ERC2: variants seen among roughly 807,000 people sequenced by gnomAD.
ERC2 encodes ELKS/RAB6-interacting/CAST family member 2.
Under a neutral mutation model 114.8 loss-of-function variants are expected in ERC2, and 42 were observed. That is an observed-to-expected ratio of 0.37 (90% CI 0.29 to 0.47). The LOEUF (loss-of-function observed/expected upper bound fraction) is 0.47. Among genes scored for constraint, ERC2 ranks in the 20% least tolerant of loss-of-function variants. The pLI is 0.99. For missense variants in ERC2, 939 were observed against 1,150.7 expected (o/e 0.82, Z 2.66); for synonymous variants, 454 against 425.5 (o/e 1.07, Z -0.82).
At chr3:55,833,292 C>G (rs2060704404) in intron 14 of ERC2, among the ~76,000 whole-genome samples, 1 of 150,458 alleles carries the variant, frequency 6.6e-6, no homozygotes, top group Non-Finnish European at 1.5e-5. Flanking sequence ...AGAGCAACTC[C>G]AAGACACATA....
At chr3:55,956,678 T>C (rs1362753227) in intron 12 of ERC2, among the ~76,000 whole-genome samples, 2 of 152,122 alleles carry the variant, frequency 1.3e-5, no homozygotes, top group African/African-American at 4.8e-5. Flanking sequence ...AAGACTTAGC[T>C]CCAGGATAAG....
intron 14 of ERC2, among the ~76,000 whole-genome samples, chr3:55,786,874 T>C (rs1329020723): frequency 6.6e-6 from 1 of 152,118 alleles, no homozygotes; most frequent in Non-Finnish European, 1.5e-5. Flanking sequence ...TCCCCTGGCC[T>C]GTGTTCAAAA....
chr3:56,309,637 C>G (rs1016201826), intron 2 of ERC2, among the ~76,000 whole-genome samples: 1 of 152,168 alleles, frequency 6.6e-6, no homozygotes, highest in African/African-American at 2.4e-5. Flanking sequence ...TACTTAAGTA[C>G]TCTGAGCATC....
At chr3:55,857,726 G>A (rs1210937407) in intron 14 of ERC2, among the ~76,000 whole-genome samples, 2 of 152,216 alleles carry the variant, frequency 1.3e-5, no homozygotes, top group Admixed American at 6.5e-5. Context: ...CTTGGAGAGA[G>A]AGAAAGCTGG....
intron 16 of ERC2, among the ~76,000 whole-genome samples, chr3:55,692,404 A>C (rs2062713029): frequency 6.6e-6 from 1 of 152,222 alleles, no homozygotes; most frequent in African/African-American, 2.4e-5. Flanking sequence ...AACTAGGGCC[A>C]GGAAACACAT....
intron 3 of ERC2, among the ~76,000 whole-genome samples, chr3:56,278,736 G>A (rs1278640862): frequency 2.6e-5 from 4 of 152,310 alleles, no homozygotes; most frequent in East Asian, 3.9e-4. Context: ...CACTCCTGGT[G>A]GAAGAGGAAG....
At chr3:55,991,203 C>T (rs1278792383) in intron 11 of ERC2, among the ~76,000 whole-genome samples, 2 of 152,174 alleles carry the variant, frequency 1.3e-5, no homozygotes, top group Non-Finnish European at 2.9e-5. Context: ...ACAAGTGTCT[C>T]GATCAAAGCT....
chr3:56,185,006 T>C (rs1023096002), intron 3 of ERC2: 1 of 152,170 alleles, frequency 6.6e-6, no homozygotes, highest in African/African-American at 2.4e-5. Flanking sequence ...TTTGGGGACA[T>C]AAAGAACAAA....
intron 2 of ERC2, among the ~76,000 whole-genome samples, chr3:56,418,155 G>A (rs1020848171): frequency 1.3e-5 from 2 of 151,974 alleles, no homozygotes; most frequent in Non-Finnish European, 2.9e-5. Flanking sequence ...AATATTAGGT[G>A]AGCATGTTGG....
chr3:55,936,315 GTATT>G (rs1298556991), intron 13 of ERC2, among the ~76,000 whole-genome samples: 21 of 151,976 alleles, frequency 1.4e-4, no homozygotes, highest in African/African-American at 4.6e-4. Context: ...TAGTCAAAAA[GTATT>G]TATTGAATGT....
intron 14 of ERC2, among the ~76,000 whole-genome samples, chr3:55,871,245 T>C (rs1235065384): frequency 6.6e-6 from 1 of 152,180 alleles, no homozygotes; most frequent in East Asian, 1.9e-4. Flanking sequence ...TCCTCAGTTA[T>C]TGCTCAATAA....
At chr3:56,272,344 G>A (rs1327004401) in intron 3 of ERC2, among the ~76,000 whole-genome samples, 6 of 152,214 alleles carry the variant, frequency 3.9e-5, no homozygotes, top group Non-Finnish European at 8.8e-5. Context: ...CTATCTAGAA[G>A]AGTCCCATTA....
At chr3:55,833,774 G>A (rs2060731018) in intron 14 of ERC2, among the ~76,000 whole-genome samples, 1 of 152,124 alleles carries the variant, frequency 6.6e-6, no homozygotes, top group Non-Finnish European at 1.5e-5. Context: ...AACTTTAAAT[G>A]TAAATGGACA....
intron 14 of ERC2, among the ~76,000 whole-genome samples, chr3:55,817,758 G>A (rs1028041367): frequency 2.6e-4 from 40 of 152,268 alleles, no homozygotes; most frequent in African/African-American, 9.4e-4. Context: ...TATAGTATCC[G>A]TTCATGGTGA....
intron 2 of ERC2, among the ~76,000 whole-genome samples, chr3:56,374,487 G>GC (rs2059467095): frequency 6.6e-6 from 1 of 152,118 alleles, no homozygotes; most frequent in African/African-American, 2.4e-5. Context: ...CTTACTCTAT[G>GC]CCAGGCTATG....
At chr3:55,968,908 AT>A (rs1350007659) in intron 12 of ERC2, among the ~76,000 whole-genome samples, 1 of 152,152 alleles carries the variant, frequency 6.6e-6, no homozygotes, top group Non-Finnish European at 1.5e-5. Context: ...TTTCTAACTC[AT>A]AAAAAACATG....
chr3:56,247,291 A>G (rs1560454499), intron 3 of ERC2, among the ~76,000 whole-genome samples: 1 of 152,032 alleles, frequency 6.6e-6, no homozygotes, highest in East Asian at 1.9e-4. Flanking sequence ...CTTAGAAACA[A>G]CTTTTTAAAA....
At position 56,392,052 on chromosome 3, in the gene ERC2, T is replaced by C. The variant is rs549063972; in HGVS notation, c.657+42299A>G. ...TTCAAGTAAACATATTAGAATCCTG[T>C]AGTGTAAATAATAGCAAAGATGCTA... On this transcript the variant is annotated intron_variant, in intron 2 of 17. Transcript: ENST00000288221. 2.6e-5 allele frequency among the ~76,000 whole-genome samples: 4 copies of C among 152,306 alleles called. No homozygotes were observed. The South Asian group carries it at 6.2e-4, about 24-fold the overall frequency.
At chr3:55,590,231 A>C (rs1011158645) in intron 17 of ERC2, among the ~76,000 whole-genome samples, 6 of 152,186 alleles carry the variant, frequency 3.9e-5, no homozygotes, top group Non-Finnish European at 8.8e-5. Context: ...ATTGGGAAAA[A>C]CATAAAGACT....
Sources: allele counts gnomAD v4.1 joint callset (sites outside exome capture counted in the v4.1 genomes callset), GRCh38; gene constraint gnomAD v4.1.1; transcripts MANE v1.5; gene names NCBI Gene and HGNC (gene_info 2026-07-23, HGNC 2026-07-21).